The following OSBPL10 variants were observed in gnomAD, a reference collection of about 807,000 sequenced individuals.
OSBPL10 encodes oxysterol binding protein like 10.
A neutral mutation model predicts 81.7 loss-of-function variants in OSBPL10; 49 were observed. The observed-to-expected ratio is 0.60, with a 90% confidence interval of 0.48 to 0.76. The LOEUF is 0.76. Ranked by LOEUF, OSBPL10 falls within the 30% of genes least tolerant of loss-of-function variation. The pLI, the probability that OSBPL10 is intolerant of heterozygous loss-of-function variation, is 0.00. For missense variants in OSBPL10, 923 were observed against 987.8 expected, an observed-to-expected ratio of 0.93 and a Z score of 0.88; for synonymous variants, 419 against 383.6, an observed-to-expected ratio of 1.09 and a Z score of -1.08.
chr3:31,893,900 ATGT>A lies in OSBPL10; in HGVS notation c.282-14073_282-14071del, dbSNP rs527575061. ...GGGATTATTTTATTTTTTTAAAAAAATGTTGGTGTTAGAAATATTCTCAAACTG... is the reference window on the plus strand; with the variant it reads ...GGGATTATTTTATTTTTTTAAAAAAATGGTGTTAGAAATATTCTCAAACTG... On this transcript the variant is annotated intron_variant, in intron 1 of 11. Coordinates refer to ENST00000396556, the MANE Select transcript of OSBPL10 (RefSeq NM_017784.5). 1.4e-3 allele frequency among the ~76,000 whole-genome samples: 206 copies of A among 152,350 alleles called. 2 individuals are homozygous for A. The highest frequency in any genetic ancestry group is 4.5e-3 in the African/African-American group (189 of 41,572).
intron 10 of OSBPL10, chr3:31,664,464 C>T (rs1700142507): frequency 1.7e-6 from 1 of 584,722 alleles, no homozygotes; most frequent in Non-Finnish European, 3.0e-6. Flanking sequence ...ATGCCTTTCT[C>T]AGGGCCCGGA....
chr3:31,760,476 C>T (rs1177652298), intron 4 of OSBPL10, among the ~76,000 whole-genome samples: 1 of 152,198 alleles, frequency 6.6e-6, no homozygotes, highest in Admixed American at 6.5e-5. Context: ...TAGATCATCT[C>T]TAAATTGCTT....
At chr3:31,837,358 T>C (rs1209595848) in intron 3 of OSBPL10, among the ~76,000 whole-genome samples, 9 of 32,530 alleles carry the variant, frequency 2.8e-4, no homozygotes, top group South Asian at 1.8e-3. Flanking sequence ...TATATATATA[T>C]ATATATATAT....
chr3:31,681,535 C>T (rs957980137), intron 8 of OSBPL10, among the ~76,000 whole-genome samples: 26 of 152,288 alleles, frequency 1.7e-4, no homozygotes, highest in Admixed American at 1.1e-3. Flanking sequence ...GTCAAGGTGA[C>T]GAATGACCTC....
At chr3:31,665,632 G>C (rs1700170795) in intron 10 of OSBPL10, among the ~76,000 whole-genome samples, 1 of 152,188 alleles carries the variant, frequency 6.6e-6, no homozygotes, top group African/African-American at 2.4e-5. Context: ...AGCCAGATCT[G>C]ATTGGTCTCT....
intron 8 of OSBPL10, among the ~76,000 whole-genome samples, chr3:31,676,559 A>G (rs1263014079): frequency 1.3e-5 from 2 of 152,224 alleles, no homozygotes; most frequent in Non-Finnish European, 2.9e-5. Context: ...CAATCTGAGG[A>G]ACCAAAATAT....
chr3:31,967,126 T>C (rs1307451539), intron 1 of OSBPL10, among the ~76,000 whole-genome samples: 4 of 150,848 alleles, frequency 2.7e-5, no homozygotes, highest in Admixed American at 2.6e-4. Context: ...ACAAACCAAA[T>C]CAATCTTGCA....
Position 31,898,006 on chromosome 3 carries a change from C to CAAAAAAAAAAA in OSBPL10, c.282-18187_282-18177dup, listed in dbSNP as rs58479197. Among the ~76,000 whole-genome samples, 4 of 62,476 alleles carry CAAAAAAAAAAA rather than the reference C, an allele frequency of 6.4e-5. No individual in the cohort carries two copies. The East Asian group carries it at 2.2e-3, about 35-fold the overall frequency. 41.0% of individuals were successfully genotyped at this position (62,476 alleles called of 152,430 possible). A position where few individuals can be genotyped will look rare whatever the true frequency, so the allele number is the denominator to read the frequency against. ...TTGGGTGACACAGCGAGAACTCTGT[C>CAAAAAAAAAAA]AAAAAAAAAAAAAAAAAAAAAAAAA... On this transcript the variant is annotated intron_variant, in intron 1 of 11. Coordinates refer to ENST00000396556, the MANE Select transcript of OSBPL10 (RefSeq NM_017784.5).
intron 4 of OSBPL10, among the ~76,000 whole-genome samples, chr3:31,792,981 G>A (rs1340461447): frequency 6.6e-6 from 1 of 151,680 alleles, no homozygotes; most frequent in Non-Finnish European, 1.5e-5. Context: ...CCCTGAGGAT[G>A]CACATCATTT....
At chr3:31,965,374 A>G (rs28859121) in intron 1 of OSBPL10, among the ~76,000 whole-genome samples, 2 of 117,122 alleles carry the variant, frequency 1.7e-5, no homozygotes, top group African/African-American at 7.0e-5. Context: ...CATCTCAAAA[A>G]ATATATATAT....
chr3:32,050,588 T>C (rs950633224), intron 1 of OSBPL10, among the ~76,000 whole-genome samples: 1 of 152,212 alleles, frequency 6.6e-6, no homozygotes, highest in East Asian at 1.9e-4. Flanking sequence ...GAGATTACTT[T>C]TGGTAAAGTT....
At position 31,822,966 on chromosome 3, in the gene OSBPL10, A is replaced by G. The variant is rs148672355; in HGVS notation, c.729+7074T>C. 4.0e-3 allele frequency among the ~76,000 whole-genome samples: 601 copies of G among 151,856 alleles called. 3 individuals are homozygous for G. Among genetic ancestry groups the G allele is most frequent in the African/African-American group, 0.014 (572 of 41,448 alleles). On this transcript the variant is annotated intron_variant, in intron 4 of 11. Transcript: ENST00000396556. ...AAAAAAATACAATACAATAAATACC[A>G]TACATTTCAATCATCATATGCTTAA...
At chr3:32,007,837 G>C (rs1286427120) in intron 2 of OSBPL10, among the ~76,000 whole-genome samples, 1 of 152,044 alleles carries the variant, frequency 6.6e-6, no homozygotes, top group African/African-American at 2.4e-5. Flanking sequence ...CTCCCGAGTA[G>C]CTGGGATTAC....
At chr3:31,771,774 T>C (rs916912283) in intron 4 of OSBPL10, among the ~76,000 whole-genome samples, 15 of 152,224 alleles carry the variant, frequency 9.9e-5, no homozygotes, top group African/African-American at 3.1e-4. Flanking sequence ...ATATACGCTC[T>C]GGAAAACTTC....
intron 11 of OSBPL10, chr3:31,663,821 T>C (rs1183288337): frequency 7.2e-7 from 1 of 1,389,862 alleles, no homozygotes; most frequent in African/African-American, 1.5e-5. Flanking sequence ...CAGGCTGACA[T>C]GCTTTTCTGA....
At chr3:31,847,663 C>A (rs1347227741) in intron 3 of OSBPL10, among the ~76,000 whole-genome samples, 11 of 152,058 alleles carry the variant, frequency 7.2e-5, no homozygotes, top group Non-Finnish European at 1.6e-4. Flanking sequence ...AGAGAGAATA[C>A]ATTTTGAGTC....
At chr3:31,745,738 T>A (rs950792191) in intron 5 of OSBPL10, among the ~76,000 whole-genome samples, 4 of 152,164 alleles carry the variant, frequency 2.6e-5, no homozygotes, top group Admixed American at 6.5e-5. Flanking sequence ...ACGATGGGCA[T>A]AATCATACCT....
At chr3:31,965,674 T>A (rs866318866) in intron 1 of OSBPL10, among the ~76,000 whole-genome samples, 2 of 44,432 alleles carry the variant, frequency 4.5e-5, no homozygotes, top group African/African-American at 9.5e-5. Flanking sequence ...ATATTTTATA[T>A]AATATATATT....
At chr3:31,888,045 A>G (rs1327568735) in intron 1 of OSBPL10, among the ~76,000 whole-genome samples, 1 of 152,220 alleles carries the variant, frequency 6.6e-6, no homozygotes, top group Non-Finnish European at 1.5e-5. Context: ...TAAGAATTAT[A>G]TTAGAACACA....
Sources: gnomAD v4.1 joint callset for allele counts (sites outside exome capture counted in the v4.1 genomes callset) on GRCh38, gnomAD v4.1.1 for gene constraint, MANE v1.5 for transcripts, NCBI Gene and HGNC (gene_info 2026-07-23, HGNC 2026-07-21) for gene names.